The following GRK7 variants were observed in gnomAD, a reference collection of about 807,000 sequenced individuals.
GRK7 encodes G protein-coupled receptor kinase 7.
In GRK7, 24 loss-of-function variants were observed where a neutral mutation model predicts 34.1. The observed-to-expected ratio is 0.70, with a 90% confidence interval of 0.51 to 0.99. The LOEUF is 0.99. GRK7 is among the 50% of genes least tolerant of loss of function. The pLI, the probability that GRK7 is intolerant of heterozygous loss-of-function variation, is 0.00. For missense variants in GRK7, 644 were observed against 707.3 expected (o/e 0.91, Z 1.02); for synonymous variants, 256 against 279.4 (o/e 0.92, Z 0.84).
intron 5 of GRK7, among the ~76,000 whole-genome samples, chr3:141,814,854 T>A (rs1711134016): frequency 6.6e-6 from 1 of 152,064 alleles, no homozygotes; most frequent in African/African-American, 2.4e-5. Flanking sequence ...TGTGTAAGCA[T>A]TCTCTTTTCT....
At chr3:141,812,547 T>C (rs923541269) in intron 5 of GRK7, among the ~76,000 whole-genome samples, 22 of 152,214 alleles carry the variant, frequency 1.4e-4, no homozygotes, top group African/African-American at 5.3e-4. Context: ...CAGACATTTC[T>C]TGGGAAAAGG....
intron 4 of GRK7, among the ~76,000 whole-genome samples, chr3:141,789,099 G>C (rs985431040): frequency 2.0e-5 from 3 of 152,164 alleles, no homozygotes; most frequent in Admixed American, 6.5e-5. Flanking sequence ...GCAGGTGTGA[G>C]CCACTGCACC....
chr3:141,807,516 C>A, intron 4 of GRK7, 129 bp from the exon 5 acceptor site: 1 of 848,512 alleles, frequency 1.2e-6, no homozygotes, highest in Non-Finnish European at 1.8e-6. Flanking sequence ...CCACCCCAAA[C>A]AAATTAGGGT....
rs1221052798 is a variant in GRK7 at position 141,817,300 on chromosome 3, A to G, written c.*250A>G. 2.5e-6 allele frequency: 1 copy of G among 393,952 alleles called. No individual in the cohort carries two copies. Among genetic ancestry groups the G allele is most frequent in the African/African-American group, 2.0e-5 (1 of 49,280 alleles). 24.4% of individuals were successfully genotyped at this position (393,952 alleles called of 1,614,324 possible). On this transcript the variant is annotated 3_prime_UTR_variant, in exon 6 of 6. Coordinates refer to ENST00000682958, the MANE Select transcript of GRK7 (RefSeq NM_139209.3). ...GGAACACTCAGGTTTATTTTGATAA[A>G]CTGAAAGCATCAGCCTTTTACCATC...
intron 4 of GRK7, among the ~76,000 whole-genome samples, chr3:141,784,501 G>T (rs1443564416): frequency 6.6e-6 from 1 of 152,086 alleles, no homozygotes; most frequent in Non-Finnish European, 1.5e-5. Context: ...GAGAAAGGAA[G>T]GCCTCCTTTC....
chr3:141,799,923 G>A (rs1710933707), intron 4 of GRK7, among the ~76,000 whole-genome samples: 1 of 152,174 alleles, frequency 6.6e-6, no homozygotes, highest in Non-Finnish European at 1.5e-5. Context: ...GGTTTATCCA[G>A]TATCCTCATT....
the GRK7 span, among the ~76,000 whole-genome samples, chr3:141,756,686 G>C: frequency 2.6e-5 from 4 of 152,126 alleles, no homozygotes; most frequent in African/African-American, 9.7e-5. Context: ...AAAAGAAAGA[G>C]ATGGCTATTA....
intron 4 of GRK7, among the ~76,000 whole-genome samples, chr3:141,793,351 A>G (rs941689529): frequency 6.6e-6 from 1 of 152,172 alleles, no homozygotes; most frequent in Admixed American, 6.5e-5. Flanking sequence ...ATAGTGTCAT[A>G]ATGGATTTGA....
At chr3:141,794,751 C>T (rs868718865) in intron 4 of GRK7, among the ~76,000 whole-genome samples, 11 of 152,078 alleles carry the variant, frequency 7.2e-5, no homozygotes, top group Admixed American at 4.6e-4. Context: ...GGAGACAGAA[C>T]GCAGTGGATG....
At chr3:141,816,300 C>T (rs1711152840) in intron 5 of GRK7, among the ~76,000 whole-genome samples, 1 of 152,142 alleles carries the variant, frequency 6.6e-6, no homozygotes, top group East Asian at 1.9e-4. Flanking sequence ...TGAGTGCTGC[C>T]TTTTTAAATG....
the GRK7 span, among the ~76,000 whole-genome samples, chr3:141,750,682 T>G: frequency 6.6e-6 from 1 of 152,324 alleles, no homozygotes; most frequent in African/African-American, 2.4e-5. Context: ...GAGATACTTC[T>G]TGTAAGACTT....
At chr3:141,781,914 T>G (rs1234947648) in intron 4 of GRK7, among the ~76,000 whole-genome samples, 4 of 152,378 alleles carry the variant, frequency 2.6e-5, no homozygotes, top group East Asian at 3.9e-4. Context: ...GGCTCAAACC[T>G]GGCTCTTAAA....
rs1481108806 is a variant in GRK7 at position 141,763,622 on chromosome 3, G to T, written c.-2331G>T. Among the ~76,000 whole-genome samples, 1 of 152,028 alleles carries T rather than the reference G, an allele frequency of 6.6e-6. No homozygotes were observed. Among genetic ancestry groups the T allele is most frequent in the South Asian group, 2.1e-4 (1 of 4,814 alleles). On this transcript the variant is annotated 5_prime_UTR_variant, in exon 1 of 6. Coordinates refer to ENST00000682958, the MANE Select transcript of GRK7 (RefSeq NM_139209.3). ...CGTGGCAAGGCCAGCACCCCTCCCT[G>T]CCCCCAACACTGTCCACCACCATCT...
At position 141,780,702 on chromosome 3, in the gene GRK7, A is replaced by G. The variant is rs764327627; in HGVS notation, c.941A>G (p.Tyr314Cys). 7 of 1,614,098 alleles carry G rather than the reference A, an allele frequency of 4.3e-6. No individual in the cohort carries two copies. The East Asian group carries it at 8.9e-5, about 21-fold the overall frequency. The change falls in exon 4 of 6, where the codon TAT (tyrosine) becomes TGT (cysteine). Residue 314 changes from tyrosine to cysteine, a missense_variant. Transcript: ENST00000682958. The stretch of plus-strand genomic sequence containing the variant: ...CACCTCCATGAACTCGGCATCGTCT[A>G]TCGGGACATGAAGCCTGAGAATGTG... ...MLHLHELGIV[Y>C]RDMKPENVLL...
Position 141,802,341 on chromosome 3 carries a change from GA to G in GRK7, c.1051-5301del, listed in dbSNP as rs1710978025. On this transcript the variant is annotated intron_variant, in intron 4 of 5. Coordinates refer to ENST00000682958, the MANE Select transcript of GRK7 (RefSeq NM_139209.3). ...GCACTTCCAACCTGGGTGACAGACT[GA>G]AACTCTCTTTCTCTCTTTCTCTGTC... Among the ~76,000 whole-genome samples the G allele has an allele frequency of 4.3e-5, 6 of 138,362 alleles. No individual in the cohort carries two copies. The South Asian group carries it at 1.4e-3, about 32-fold the overall frequency. 90.8% of individuals were successfully genotyped at this position (138,362 alleles called of 152,430 possible).
the GRK7 span, among the ~76,000 whole-genome samples, chr3:141,750,134 G>A: frequency 8.6e-5 from 13 of 151,932 alleles, no homozygotes; most frequent in East Asian, 1.9e-4. Context: ...AAGTAATTGC[G>A]GTTTTTTTGC....
At chr3:141,757,346 T>C in the GRK7 span, among the ~76,000 whole-genome samples, 6 of 146,208 alleles carry the variant, frequency 4.1e-5, no homozygotes, top group Non-Finnish European at 7.5e-5. Context: ...ATATTCCCCT[T>C]CATGTGTCCA....
chr3:141,785,142 AC>A (rs1444185490), intron 4 of GRK7, among the ~76,000 whole-genome samples: 1 of 152,178 alleles, frequency 6.6e-6, no homozygotes, highest in Non-Finnish European at 1.5e-5. Flanking sequence ...AGGAAAAATC[AC>A]CCTGATGATG....
intron 5 of GRK7, among the ~76,000 whole-genome samples, chr3:141,811,490 A>G (rs557142266): frequency 6.6e-6 from 1 of 152,152 alleles, no homozygotes; most frequent in Non-Finnish European, 1.5e-5. Flanking sequence ...CTGCTTCCTC[A>G]AGCAAAGCCT....
Sources: allele counts gnomAD v4.1 joint callset (sites outside exome capture counted in the v4.1 genomes callset), GRCh38; gene constraint gnomAD v4.1.1; transcripts MANE v1.5; gene names NCBI Gene and HGNC (gene_info 2026-07-23, HGNC 2026-07-21).